Variants in FMN1 observed in about 807,000 individuals in gnomAD.
FMN1 encodes formin 1.
FMN1 carries 110 observed loss-of-function variants against 132.4 expected under a neutral mutation model. The observed-to-expected ratio is 0.83, with a 90% CI of 0.71 to 0.97. The LOEUF (loss-of-function observed/expected upper bound fraction) is 0.97. FMN1 is among the 50% of genes least tolerant of loss of function. The probability of loss-of-function intolerance (pLI) is 0.00; values close to 1 mark genes in which losing one functional copy is unlikely to be tolerated. For missense variants in FMN1, 1,792 were observed against 1,705.3 expected (o/e 1.05, Z -0.90); for synonymous variants, 722 against 651.7 (o/e 1.11, Z -1.64).
chr15:32,935,458 A>C (rs2061241976), intron 9 of FMN1, among the ~76,000 whole-genome samples: 1 of 152,136 alleles, frequency 6.6e-6, no homozygotes, highest in Non-Finnish European at 1.5e-5. Flanking sequence ...GAGTTCTTGT[A>C]ATCGGGATCC....
chr15:33,105,326 A>G (rs796235818), intron 4 of FMN1, among the ~76,000 whole-genome samples: 11 of 152,228 alleles, frequency 7.2e-5, no homozygotes, highest in African/African-American at 2.6e-4. Flanking sequence ...ACGGACAATA[A>G]AAGGGTAGGG....
intron 4 of FMN1, among the ~76,000 whole-genome samples, chr15:33,113,186 T>C (rs992736672): frequency 2.6e-5 from 4 of 152,222 alleles, no homozygotes; most frequent in Admixed American, 1.3e-4. Flanking sequence ...CTGTGTACTG[T>C]GTGATCATTT....
intron 16 of FMN1, among the ~76,000 whole-genome samples, chr15:32,874,013 A>G (rs1399596145): frequency 6.0e-5 from 7 of 117,034 alleles, no homozygotes; most frequent in African/African-American, 2.5e-4. Context: ...ATTTTATTTT[A>G]GTTGTTTTTT....
chr15:32,858,160 G>A (rs192101332), intron 16 of FMN1, among the ~76,000 whole-genome samples: 1 of 152,290 alleles, frequency 6.6e-6, no homozygotes, highest in East Asian at 1.9e-4. Flanking sequence ...GAAGAAGGAG[G>A]TTGGGAAGGA....
intron 7 of FMN1, among the ~76,000 whole-genome samples, chr15:32,995,736 T>C (rs2033728821): frequency 6.6e-6 from 1 of 152,196 alleles, no homozygotes. Flanking sequence ...GTTTAGAAAA[T>C]TTGTCTTTAC....
At chr15:32,960,433 T>C (rs2030383653) in intron 9 of FMN1, among the ~76,000 whole-genome samples, 1 of 152,134 alleles carries the variant, frequency 6.6e-6, no homozygotes, top group African/African-American at 2.4e-5. Context: ...ATTAGAAAAA[T>C]TCAAATTGTT....
chr15:33,080,451 G>C (rs1430631556), intron 5 of FMN1, among the ~76,000 whole-genome samples: 1 of 152,142 alleles, frequency 6.6e-6, no homozygotes, highest in Admixed American at 6.5e-5. Flanking sequence ...TTATATGTCT[G>C]CTTAAAAGTT....
intron 16 of FMN1, among the ~76,000 whole-genome samples, chr15:32,860,316 T>C (rs2059240369): frequency 6.6e-6 from 1 of 152,108 alleles, no homozygotes; most frequent in African/African-American, 2.4e-5. Context: ...AAAAGGTTTC[T>C]TCATCTTAAC....
At chr15:32,915,663 T>C (rs2060666928) in intron 10 of FMN1, among the ~76,000 whole-genome samples, 1 of 152,260 alleles carries the variant, frequency 6.6e-6, no homozygotes. Flanking sequence ...CTACTTTTGT[T>C]TCCATCTGTA....
At chr15:33,125,945 CG>C (rs1963021458) in intron 4 of FMN1, among the ~76,000 whole-genome samples, 1 of 152,096 alleles carries the variant, frequency 6.6e-6, no homozygotes, top group African/African-American at 2.4e-5. Context: ...TAACAATTCA[CG>C]GTTGAAGGCT....
chr15:32,985,681 C>A (rs2033020142), intron 7 of FMN1, among the ~76,000 whole-genome samples: 1 of 152,094 alleles, frequency 6.6e-6, no homozygotes, highest in South Asian at 2.1e-4. Context: ...TGACTACATT[C>A]TTTTCAACAA....
At chr15:33,120,297 G>C (rs765177691) in intron 4 of FMN1, among the ~76,000 whole-genome samples, 27 of 152,198 alleles carry the variant, frequency 1.8e-4, no homozygotes, top group Non-Finnish European at 3.7e-4. Flanking sequence ...AAAGATAGCA[G>C]ATGTGCTAAC....
intron 17 of FMN1, among the ~76,000 whole-genome samples, chr15:32,836,698 T>C (rs573516058): frequency 2.5e-4 from 38 of 152,014 alleles, no homozygotes; most frequent in Admixed American, 1.7e-3. Context: ...GTCTCTCTCT[T>C]TTTTTTTAGA....
chr15:33,121,590 G>A (rs544240778), intron 4 of FMN1, among the ~76,000 whole-genome samples: 5 of 152,228 alleles, frequency 3.3e-5, no homozygotes, highest in African/African-American at 1.2e-4. Flanking sequence ...GTGCAGTGGC[G>A]CAATCTTGGC....
chr15:32,938,844 A>C (rs972069970), intron 9 of FMN1, among the ~76,000 whole-genome samples: 1 of 152,188 alleles, frequency 6.6e-6, no homozygotes, highest in Non-Finnish European at 1.5e-5. Flanking sequence ...TATTAGTCAC[A>C]TCTTATGAAT....
At chr15:33,071,613 AGCTAGACCTGAAACAATT>A (rs1372833755) in intron 5 of FMN1, among the ~76,000 whole-genome samples, 1 of 152,234 alleles carries the variant, frequency 6.6e-6, no homozygotes, top group Non-Finnish European at 1.5e-5. Context: ...TAATAGTAAT[AGCTAGACCTGAAACAATT>A]TTGAATGAAA....
At chr15:33,038,648 C>T (rs1287879165) in intron 6 of FMN1, among the ~76,000 whole-genome samples, 8 of 152,010 alleles carry the variant, frequency 5.3e-5, no homozygotes, top group Non-Finnish European at 1.0e-4. Context: ...ATAAAACAGG[C>T]GTGTTTTGTA....
intron 6 of FMN1, among the ~76,000 whole-genome samples, chr15:33,045,501 G>A (rs2036636303): frequency 6.6e-6 from 1 of 152,216 alleles, no homozygotes; most frequent in South Asian, 2.1e-4. Context: ...CTCTCAGAGG[G>A]GCTGGGGATT....
intron 4 of FMN1, among the ~76,000 whole-genome samples, chr15:33,127,252 A>C (rs923036922): frequency 1.3e-5 from 2 of 152,190 alleles, no homozygotes; most frequent in Admixed American, 6.5e-5. Flanking sequence ...CTACCTAACC[A>C]CAGATCTCCC....
Sources: gnomAD v4.1 joint callset for allele counts (sites outside exome capture counted in the v4.1 genomes callset) on GRCh38, gnomAD v4.1.1 for gene constraint, MANE v1.5 for transcripts, NCBI Gene and HGNC (gene_info 2026-07-23, HGNC 2026-07-21) for gene names.